Variants in CACNA2D1 observed in about 807,000 individuals in gnomAD.
CACNA2D1 encodes voltage-dependent calcium channel subunit alpha-2/delta-1.
Under a neutral mutation model 171.5 loss-of-function variants are expected in CACNA2D1, and 53 were observed. The observed-to-expected ratio is 0.31, with a 90% CI of 0.25 to 0.39. The LOEUF (loss-of-function observed/expected upper bound fraction) is 0.39, where lower values mean the gene tolerates loss of function less well. Among genes scored for constraint, CACNA2D1 ranks in the 10% least tolerant of loss-of-function variants. The pLI is 1.00. For missense variants in CACNA2D1, 903 were observed against 1,299.8 expected, an observed-to-expected ratio of 0.69 and a Z score of 4.69; for synonymous variants, 442 against 443.1, an observed-to-expected ratio of 1.00 and a Z score of 0.03.
intron 8 of CACNA2D1, among the ~76,000 whole-genome samples, chr7:82,064,575 C>CAT (rs1195568623): frequency 3.9e-5 from 6 of 152,068 alleles, no homozygotes; most frequent in African/African-American, 1.2e-4. Context: ...TAATATTTAA[C>CAT]ATTTTTTGAT....
intron 1 of CACNA2D1, chr7:82,410,360 C>A: frequency 8.9e-6 from 2 of 223,612 alleles, no homozygotes; most frequent in Non-Finnish European, 1.5e-5. Context: ...TGAATCAATC[C>A]ATCATAGCGG....
At chr7:82,422,214 A>C (rs528255209) in intron 1 of CACNA2D1, among the ~76,000 whole-genome samples, 1 of 152,294 alleles carries the variant, frequency 6.6e-6, no homozygotes, top group South Asian at 2.1e-4. Flanking sequence ...GCAATAATTA[A>C]CTATAATGGT....
At chr7:82,322,058 G>A (rs369561745) in intron 3 of CACNA2D1, among the ~76,000 whole-genome samples, 1 of 144,130 alleles carries the variant, frequency 6.9e-6, no homozygotes, top group East Asian at 2.0e-4. Context: ...CCCGGGAGGC[G>A]GAGCTTGCAG....
chr7:82,005,249 C>T (rs1336083813), intron 18 of CACNA2D1, 174 bp downstream of exon 18: 4 of 552,676 alleles, frequency 7.2e-6, no homozygotes, highest in Non-Finnish European at 1.3e-5. Flanking sequence ...AAACTGCTTT[C>T]ACACTTTCAT....
intron 1 of CACNA2D1, among the ~76,000 whole-genome samples, chr7:82,403,524 T>C (rs892380344): frequency 6.6e-6 from 1 of 152,164 alleles, no homozygotes; most frequent in Non-Finnish European, 1.5e-5. Context: ...TCACTTAGGG[T>C]AGCAAAATCA....
intron 6 of CACNA2D1, among the ~76,000 whole-genome samples, chr7:82,091,078 C>A (rs965521012): frequency 6.6e-6 from 1 of 151,820 alleles, no homozygotes; most frequent in Non-Finnish European, 1.5e-5. Context: ...ATTAAGTGCA[C>A]AGGGAAAAAA....
At chr7:82,079,759 GT>G (rs1809471100) in intron 7 of CACNA2D1, among the ~76,000 whole-genome samples, 1 of 151,850 alleles carries the variant, frequency 6.6e-6, no homozygotes, top group Non-Finnish European at 1.5e-5. Context: ...CAAAGACTGG[GT>G]TGGTTACAAG....
chr7:82,368,442 C>T (rs990166109), intron 1 of CACNA2D1, among the ~76,000 whole-genome samples: 1 of 152,156 alleles, frequency 6.6e-6, no homozygotes, highest in African/African-American at 2.4e-5. Context: ...ATCTCTCATT[C>T]AAAGTCATAA....
At chr7:81,976,407 TCTTA>T (rs1198911137) in intron 24 of CACNA2D1, among the ~76,000 whole-genome samples, 1 of 152,232 alleles carries the variant, frequency 6.6e-6, no homozygotes, top group Non-Finnish European at 1.5e-5. Context: ...TTTTGTCTTC[TCTTA>T]CTTCTTTGAG....
chr7:82,101,104 T>C (rs930801866), intron 6 of CACNA2D1, among the ~76,000 whole-genome samples: 2 of 152,122 alleles, frequency 1.3e-5, no homozygotes, highest in Non-Finnish European at 2.9e-5. Flanking sequence ...TTCTTATTTA[T>C]ATAAGATATT....
chr7:82,379,536 T>G (rs995986171), intron 1 of CACNA2D1, among the ~76,000 whole-genome samples: 2 of 152,226 alleles, frequency 1.3e-5, no homozygotes, highest in Non-Finnish European at 2.9e-5. Context: ...TGAACTTCTC[T>G]GAAAAGGACA....
intron 3 of CACNA2D1, among the ~76,000 whole-genome samples, chr7:82,270,743 T>A (rs1808515988): frequency 6.6e-6 from 1 of 152,134 alleles, no homozygotes; most frequent in Non-Finnish European, 1.5e-5. Flanking sequence ...GTTTTTTAAG[T>A]TGTGGTCATT....
intron 24 of CACNA2D1, among the ~76,000 whole-genome samples, chr7:81,978,945 CACGT>C (rs1338597002): frequency 1.3e-5 from 2 of 151,870 alleles, no homozygotes; most frequent in African/African-American, 2.4e-5. Flanking sequence ...CTTCCCTAAA[CACGT>C]AAGTAAATTT....
intron 4 of CACNA2D1, among the ~76,000 whole-genome samples, chr7:82,150,276 C>CAA (rs1563122961): frequency 3.9e-5 from 3 of 76,984 alleles, no homozygotes; most frequent in African/African-American, 7.7e-5. Flanking sequence ...AAAACAAAAA[C>CAA]AACAACAAAA....
intron 3 of CACNA2D1, among the ~76,000 whole-genome samples, chr7:82,313,123 G>A (rs1032901987): frequency 6.6e-6 from 1 of 152,262 alleles, no homozygotes; most frequent in East Asian, 1.9e-4. Flanking sequence ...AAGAGGATAT[G>A]AGCTAGGTTT....
At chr7:82,143,255 G>A (rs1469580939) in intron 4 of CACNA2D1, among the ~76,000 whole-genome samples, 1 of 152,134 alleles carries the variant, frequency 6.6e-6, no homozygotes, top group African/African-American at 2.4e-5. Context: ...TAACTGAACT[G>A]AAGACGTGAT....
chr7:82,083,420 T>C (rs1810043439), intron 7 of CACNA2D1, among the ~76,000 whole-genome samples: 1 of 151,776 alleles, frequency 6.6e-6, no homozygotes. Flanking sequence ...TTTTCCTTTA[T>C]GTTGTCTTAT....
rs189185271 is a variant in CACNA2D1 at position 81,979,685 on chromosome 7, T to C, written c.1955+2882A>G. Among the ~76,000 whole-genome samples, 269 of 152,316 alleles carry C rather than the reference T, an allele frequency of 1.8e-3. 1 individual carries two copies. Among genetic ancestry groups the C allele is most frequent in the African/African-American group, 6.0e-3 (251 of 41,576 alleles). ...TTCTAGCTAATGTTCTCCTTAATAC[T>C]GAGAAAATTCTTTCTAGTTAAAGTG... On this transcript the variant is annotated intron_variant, in intron 24 of 38. Transcript: ENST00000356860.
Position 82,144,187 on chromosome 7 carries a change from T to C in CACNA2D1, c.355-7511A>G, listed in dbSNP as rs1584905770. 4.1e-5 allele frequency among the ~76,000 whole-genome samples: 3 copies of C among 72,664 alleles called. No individual in the cohort carries two copies. In the South Asian group the frequency reaches 1.3e-3, roughly 32 times the overall value. The allele number at this position is 72,664 out of a possible 152,430, so 47.7% of individuals were successfully genotyped here. The stretch of plus-strand genomic sequence containing the variant: ...GGCTTCTTGGTGATAGGAAAAATCA[T>C]TTTTTTTTCTTAAGCTAGTAAGAAT... On this transcript the variant is annotated intron_variant, in intron 4 of 38. Coordinates refer to ENST00000356860, the MANE Select transcript of CACNA2D1 (RefSeq NM_000722.4).
Sources: allele counts gnomAD v4.1 joint callset (sites outside exome capture counted in the v4.1 genomes callset), GRCh38; gene constraint gnomAD v4.1.1; transcripts MANE v1.5; gene names NCBI Gene and HGNC (gene_info 2026-07-23, HGNC 2026-07-21).